SLC6A11: variants seen among roughly 807,000 people sequenced by gnomAD.
SLC6A11 encodes the protein solute carrier family 6 member 11.
SLC6A11 carries 25 observed loss-of-function variants against 74.8 expected under a neutral mutation model. That is an observed-to-expected ratio of 0.33 (90% CI 0.24 to 0.47). The LOEUF (loss-of-function observed/expected upper bound fraction) is 0.47, where lower values mean the gene tolerates loss of function less well. Ranked by LOEUF, SLC6A11 falls within the 20% of genes least tolerant of loss-of-function variation. The probability of loss-of-function intolerance (pLI) is 1.00; values close to 1 mark genes in which losing one functional copy is unlikely to be tolerated. For synonymous variants in SLC6A11, 330 were observed against 330.2 expected (o/e 1.00, Z 0.01); for missense variants, 574 against 837.0 (o/e 0.69, Z 3.88).
intron 5 of SLC6A11, among the ~76,000 whole-genome samples, chr3:10,866,152 A>G (rs1694760568): frequency 6.6e-6 from 1 of 152,142 alleles, no homozygotes; most frequent in Non-Finnish European, 1.5e-5. Context: ...TGTTGCCCTC[A>G]TTTACATGGC....
chr3:10,937,487 A>T (rs1237297627), intron 13 of SLC6A11, among the ~76,000 whole-genome samples: 1 of 152,172 alleles, frequency 6.6e-6, no homozygotes, highest in Non-Finnish European at 1.5e-5. Context: ...CACCCAAAAG[A>T]CTTTGCAACC....
chr3:10,835,207 C>T (rs1055534382), intron 4 of SLC6A11, among the ~76,000 whole-genome samples: 10 of 152,178 alleles, frequency 6.6e-5, no homozygotes, highest in African/African-American at 2.4e-4. Context: ...TGCTTCCCCT[C>T]GGGCACATGT....
At chr3:10,925,855 T>A (rs1212385167) in intron 8 of SLC6A11, 149 bp from the exon 9 acceptor site, 1 of 647,450 alleles carries the variant, frequency 1.5e-6, no homozygotes, top group African/African-American at 1.8e-5. Context: ...ACCAAACGCA[T>A]GGGGTGGCTG....
chr3:10,862,013 C>T (rs767513456), intron 5 of SLC6A11, among the ~76,000 whole-genome samples: 7 of 152,144 alleles, frequency 4.6e-5, no homozygotes, highest in Admixed American at 1.3e-4. Flanking sequence ...GCTCCAAATG[C>T]GGCCCCTGAG....
At chr3:10,882,061 A>T (rs539718854) in intron 6 of SLC6A11, among the ~76,000 whole-genome samples, 60 of 152,208 alleles carry the variant, frequency 3.9e-4, no homozygotes, top group Admixed American at 3.9e-3. Flanking sequence ...ATGAAGGCTG[A>T]TAAAGTGTTG....
Position 10,823,504 on chromosome 3 carries a change from A to T in SLC6A11, c.623+112A>T, listed in dbSNP as rs183733599. Reference sequence around the variant, plus strand: ...AGCCTGATCCTTCTTGCAGCCTGGCACTTCCTGGCTTCTGTGAGCATTCGA... The same window carrying T: ...AGCCTGATCCTTCTTGCAGCCTGGCTCTTCCTGGCTTCTGTGAGCATTCGA... On this transcript the variant is annotated intron_variant, in intron 4 of 13. Coordinates refer to ENST00000254488, the MANE Select transcript of SLC6A11 (RefSeq NM_014229.3). The T allele has an allele frequency of 8.3e-6, 6 of 724,016 alleles. No individual in the cohort carries two copies. The African/African-American group carries it at 1.0e-4, about 13-fold the overall frequency. 44.8% of individuals were successfully genotyped at this position (724,016 alleles called of 1,614,324 possible).
At position 10,912,163 on chromosome 3, in the gene SLC6A11, G is replaced by T; in HGVS notation, c.965G>T (p.Ser322Ile). The stretch of plus-strand genomic sequence containing the variant: ...CTGGGCTGTCTGACCGCTCTGGGAA[G>T]TTATAACAATTATAACAACAACTGC... ...ICLGCLTALG[S>I]YNNYNNNCYR... The change falls in exon 7 of 14, where the codon AGT becomes ATT. Residue 322 changes from serine (S) to isoleucine (I), a missense_variant. Ser to Ile is a moderately radical substitution (Grantham distance 142). Around this residue, in one of 4 missense-constraint regions of SLC6A11, gnomAD observed 215 missense variants for 357.9 expected, o/e 0.60. Transcript: ENST00000254488. The T allele has an allele frequency of 6.2e-7, 1 of 1,613,628 alleles. No homozygotes were observed. The highest frequency in any genetic ancestry group is 8.5e-7 in the Non-Finnish European group (1 of 1,179,528).
At chr3:10,928,899 A>G (rs1234270665) in intron 9 of SLC6A11, among the ~76,000 whole-genome samples, 1 of 152,106 alleles carries the variant, frequency 6.6e-6, no homozygotes, top group East Asian at 1.9e-4. Context: ...CATGCGGGAG[A>G]AGGAGGAGTA....
intron 7 of SLC6A11, among the ~76,000 whole-genome samples, chr3:10,912,927 A>G (rs1695407194): frequency 6.6e-6 from 1 of 152,028 alleles, no homozygotes; most frequent in Non-Finnish European, 1.5e-5. Flanking sequence ...TTAATATTTC[A>G]TGGTAGATGG....
intron 5 of SLC6A11, among the ~76,000 whole-genome samples, chr3:10,848,503 C>G (rs1446497813): frequency 6.6e-6 from 1 of 152,190 alleles, no homozygotes; most frequent in East Asian, 1.9e-4. Context: ...TGCTCAGAAG[C>G]AGCTATTCTG....
chr3:10,842,206 C>A (rs1050007496), intron 4 of SLC6A11, among the ~76,000 whole-genome samples: 1 of 152,172 alleles, frequency 6.6e-6, no homozygotes, highest in African/African-American at 2.4e-5. Context: ...CCCTCAAACC[C>A]CTCTCCTCCC....
intron 4 of SLC6A11, among the ~76,000 whole-genome samples, chr3:10,830,469 T>C (rs1694280493): frequency 6.6e-6 from 1 of 152,182 alleles, no homozygotes; most frequent in East Asian, 1.9e-4. Context: ...GAATGCAACA[T>C]GAACAAAACA....
chr3:10,894,083 T>C (rs1335291622), intron 6 of SLC6A11, among the ~76,000 whole-genome samples: 3 of 152,130 alleles, frequency 2.0e-5, no homozygotes, highest in Non-Finnish European at 4.4e-5. Flanking sequence ...GCCTGCCATC[T>C]CCCATTAGTC....
intron 6 of SLC6A11, among the ~76,000 whole-genome samples, chr3:10,877,223 A>G (rs1391637245): frequency 6.6e-6 from 1 of 152,228 alleles, no homozygotes; most frequent in African/African-American, 2.4e-5. Flanking sequence ...CAGAAACCCT[A>G]TGGACCCCTG....
intron 7 of SLC6A11, among the ~76,000 whole-genome samples, chr3:10,916,172 C>A (rs560022685): frequency 3.3e-5 from 5 of 152,228 alleles, no homozygotes; most frequent in African/African-American, 9.6e-5. Context: ...GCAGATGTAT[C>A]CCAACCTTAG....
At chr3:10,834,481 T>G (rs1259854892) in intron 4 of SLC6A11, among the ~76,000 whole-genome samples, 1 of 152,034 alleles carries the variant, frequency 6.6e-6, no homozygotes, top group Non-Finnish European at 1.5e-5. Context: ...GCCCTGTGGG[T>G]TGGGTCCTTC....
intron 6 of SLC6A11, among the ~76,000 whole-genome samples, chr3:10,891,315 A>T (rs1025923294): frequency 3.3e-5 from 5 of 152,254 alleles, no homozygotes; most frequent in Non-Finnish European, 7.3e-5. Context: ...TGTAACTGTC[A>T]TAAAAATATT....
chr3:10,888,062 AAG>A (rs1405575421), intron 6 of SLC6A11, among the ~76,000 whole-genome samples: 3 of 152,360 alleles, frequency 2.0e-5, no homozygotes, highest in South Asian at 2.1e-4. Flanking sequence ...TTACTCAGAT[AAG>A]AGAGAGGCTC....
chr3:10,854,656 C>T (rs1045664224), intron 5 of SLC6A11, among the ~76,000 whole-genome samples: 4 of 152,170 alleles, frequency 2.6e-5, no homozygotes, highest in Admixed American at 6.5e-5. Context: ...GGAAGCCATT[C>T]GAGGTCTCAG....
Sources: allele counts gnomAD v4.1 joint callset (sites outside exome capture counted in the v4.1 genomes callset), GRCh38; gene constraint gnomAD v4.1.1; regional missense constraint gnomAD v4.1.1; transcripts MANE v1.5; gene names NCBI Gene and HGNC (gene_info 2026-07-23, HGNC 2026-07-21).